NFIC: variants seen among roughly 807,000 people sequenced by gnomAD.
NFIC encodes the protein nuclear factor I C.
NFIC carries 12 observed loss-of-function variants against 54.4 expected under a neutral mutation model. That is an observed-to-expected ratio of 0.22 (90% confidence interval 0.14 to 0.36). NFIC has a LOEUF of 0.36. Among genes scored for constraint, NFIC ranks in the 10% least tolerant of loss-of-function variants. The probability of loss-of-function intolerance (pLI) is 1.00; values close to 1 mark genes in which losing one functional copy is unlikely to be tolerated. For missense variants in NFIC, 575 were observed against 718.2 expected, an observed-to-expected ratio of 0.80 and a Z score of 2.28; for synonymous variants, 322 against 319.2, an observed-to-expected ratio of 1.01 and a Z score of -0.09.
chr19:3,466,657 GC>G lies in NFIC; in HGVS notation c.*3889del, dbSNP rs2082720911. 6.6e-6 allele frequency: 1 copy of G among 151,276 alleles called. No homozygotes were observed. Among genetic ancestry groups the G allele is most frequent in the Non-Finnish European group, 1.5e-5 (1 of 67,928 alleles). 9.4% of individuals were successfully genotyped at this position (151,276 alleles called of 1,614,324 possible). ...ACAGCATTCATGTAGCTGATTTCTA[GC>G]TTTTTTTTTTTTTCTGCCCCACTCC... On this transcript the variant is annotated 3_prime_UTR_variant, in exon 11 of 11. Transcript: ENST00000443272. This position sits in a 1 kb window ranked among gnomAD's most constrained non-coding sequence, Gnocchi z 4.8.
chr19:3,379,625 C>A (rs370293102), intron 1 of NFIC, among the ~76,000 whole-genome samples: 1,910 of 149,822 alleles, frequency 0.013, 16 homozygotes, highest in Middle Eastern at 0.028. Context: ...GGATTACAGG[C>A]GTGAGCCACT....
chr19:3,456,399 G>C, intron 9 of NFIC, 151 bp from the exon 10 acceptor site: 1 of 697,696 alleles, frequency 1.4e-6, no homozygotes. Context: ...GGTTCAACTG[G>C]GGGTAGGGCG....
intron 2 of NFIC, among the ~76,000 whole-genome samples, chr19:3,393,302 G>C (rs1481132612): frequency 3.3e-5 from 5 of 152,190 alleles, no homozygotes; most frequent in Admixed American, 3.3e-4. Flanking sequence ...AGGGACCCTA[G>C]GGTCTCAGGG....
rs1386434357 is a variant in NFIC, at chr19:3,463,502, G to A, written c.*733G>A. The A allele has an allele frequency of 8.1e-6, 8 of 985,018 alleles. No individual in the cohort carries two copies. The highest frequency in any genetic ancestry group is 1.8e-5 in the African/African-American group (1 of 57,118). 61.0% of individuals were successfully genotyped at this position (985,018 alleles called of 1,614,324 possible). A position where few individuals can be genotyped will look rare whatever the true frequency, so the allele number is the denominator to read the frequency against. ...GCCCCTCGAGGGGGCCCTGCCTGCC[G>A]CGGGGCCTCCCCACAAGCCCCTCCC... On this transcript the variant is annotated 3_prime_UTR_variant, in exon 11 of 11. Coordinates refer to ENST00000443272, the MANE Select transcript of NFIC (RefSeq NM_001245002.2).
At chr19:3,360,055 C>G (rs1012279360) in intron 1 of NFIC, among the ~76,000 whole-genome samples, 11 of 148,230 alleles carry the variant, frequency 7.4e-5, no homozygotes, top group African/African-American at 2.7e-4. Flanking sequence ...GGGCGCACGA[C>G]CCCCGAGCGC....
At chr19:3,402,648 A>G (rs2081576349) in intron 2 of NFIC, among the ~76,000 whole-genome samples, 1 of 152,222 alleles carries the variant, frequency 6.6e-6, no homozygotes, top group South Asian at 2.1e-4. Context: ...GAAAGAAAAC[A>G]GAAGGCTGAG....
intron 2 of NFIC, among the ~76,000 whole-genome samples, chr19:3,392,819 A>G (rs2081396326): frequency 2.0e-5 from 3 of 152,214 alleles, no homozygotes; most frequent in Admixed American, 2.0e-4. Context: ...AGCAGAGGGC[A>G]TTTGGGGACA....
At chr19:3,384,168 C>T (rs2081256810) in intron 2 of NFIC, among the ~76,000 whole-genome samples, 1 of 149,190 alleles carries the variant, frequency 6.7e-6, no homozygotes. Flanking sequence ...AATCCTCCTG[C>T]CTCACCCTCC....
In NFIC at chr19:3,463,865, C is replaced by T. The variant is rs927523531; in HGVS notation, c.*1096C>T. 5.1e-6 allele frequency: 5 copies of T among 983,626 alleles called. No homozygotes were observed. In the Admixed American group the frequency reaches 1.9e-4, roughly 36 times the overall value. 60.9% of individuals were successfully genotyped at this position (983,626 alleles called of 1,614,324 possible). A position where few individuals can be genotyped will look rare whatever the true frequency, so the allele number is the denominator to read the frequency against. On this transcript the variant is annotated 3_prime_UTR_variant, in exon 11 of 11. Transcript: ENST00000443272. ...CCTGATTACCACCACCCGCCCCCCC[C>T]TTTGTCCAGCTGGGACACGGAATGG...
intron 2 of NFIC, among the ~76,000 whole-genome samples, chr19:3,408,304 T>C (rs1392956541): frequency 6.6e-6 from 1 of 152,048 alleles, no homozygotes; most frequent in Non-Finnish European, 1.5e-5. Context: ...AGCCAAAAGA[T>C]CAATTCAATA....
At chr19:3,395,612 T>G (rs530420018) in intron 2 of NFIC, among the ~76,000 whole-genome samples, 2 of 151,928 alleles carry the variant, frequency 1.3e-5, no homozygotes, top group African/African-American at 2.4e-5. Context: ...TCCTCCTGCT[T>G]CAGCCTCCCA....
At chr19:3,438,477 G>A (rs1428392131) in intron 6 of NFIC, among the ~76,000 whole-genome samples, 9 of 137,934 alleles carry the variant, frequency 6.5e-5, no homozygotes, top group African/African-American at 1.6e-4. Flanking sequence ...TCGCTCTGTC[G>A]CCCAGGCTGG....
rs1471278582 is a variant in NFIC at position 3,449,525 on chromosome 19, T to TTTC, written c.1084+386_1084+387insTTC. On this transcript the variant is annotated intron_variant, in intron 7 of 10. Transcript: ENST00000443272. ...CTGTAATCCCGGCACTTTGGGAGGC[T>TTTC]GAGGCGGGTGGATCATCTGAGGTCA... Among the ~76,000 whole-genome samples, 7 of 152,056 alleles carry TTTC rather than the reference T, an allele frequency of 4.6e-5. No homozygotes were observed. The East Asian group carries it at 1.4e-3, about 30-fold the overall frequency.
chr19:3,383,631 GCACAGCACACCCCTGC>G (rs1254602526), intron 2 of NFIC, among the ~76,000 whole-genome samples: 3 of 152,172 alleles, frequency 2.0e-5, no homozygotes, highest in Non-Finnish European at 2.9e-5. Context: ...CTGAGTGGGT[GCACAGCACACCCCTGC>G]CATGCCCATC....
Position 3,453,733 on chromosome 19 carries a change from C to T in NFIC, c.1270-30C>T. 2 of 1,587,648 alleles carry T rather than the reference C, an allele frequency of 1.3e-6. No homozygotes were observed. Among genetic ancestry groups the T allele is most frequent in the African/African-American group, 1.4e-5 (1 of 72,922 alleles). The stretch of plus-strand genomic sequence containing the variant: ...GCCCGAGGTAGAGGGGGAGCCCACC[C>T]CTTAACCACGTGTCTCTCTGTTCCC... On this transcript the variant is annotated intron_variant, in intron 8 of 10. Transcript: ENST00000443272. The surrounding 1 kb of genome is among the most constrained non-coding windows in gnomAD (Gnocchi z 6.7).
chr19:3,455,722 C>T (rs1448797138), intron 9 of NFIC, among the ~76,000 whole-genome samples: 1 of 151,964 alleles, frequency 6.6e-6, no homozygotes, highest in Non-Finnish European at 1.5e-5. Context: ...ATGCCCAGAG[C>T]CTGGTATACA....
At chr19:3,447,231 G>A (rs1036482156) in intron 6 of NFIC, among the ~76,000 whole-genome samples, 3 of 151,264 alleles carry the variant, frequency 2.0e-5, no homozygotes, top group East Asian at 1.9e-4. Context: ...CCTGGGAGGC[G>A]GAGGTTGCAG....
chr19:3,384,747 A>G (rs1430856502), intron 2 of NFIC, among the ~76,000 whole-genome samples: 1 of 139,988 alleles, frequency 7.1e-6, no homozygotes. Flanking sequence ...CTCCTCCCCC[A>G]CCCCCACTGA....
intron 2 of NFIC, among the ~76,000 whole-genome samples, chr19:3,422,472 C>T (rs999668919): frequency 1.3e-5 from 2 of 151,008 alleles, no homozygotes; most frequent in Admixed American, 1.3e-4. Flanking sequence ...AATCCCAGCA[C>T]TTTGGGAGGC....
Sources: gnomAD v4.1 joint callset for allele counts (sites outside exome capture counted in the v4.1 genomes callset) on GRCh38, gnomAD v4.1.1 for gene constraint, Gnocchi (gnomAD v3.1) non-coding constraint, MANE v1.5 for transcripts, NCBI Gene and HGNC (gene_info 2026-07-23, HGNC 2026-07-21) for gene names.